IL1RAPL2: variants seen among roughly 807,000 people sequenced by gnomAD.
IL1RAPL2 encodes interleukin 1 receptor accessory protein like 2.
In IL1RAPL2, 3 loss-of-function variants were observed where a neutral mutation model predicts 44.1. The observed-to-expected ratio is 0.07, with a 90% confidence interval of 0.03 to 0.18. The LOEUF is 0.18. Ranked by LOEUF, IL1RAPL2 falls within the 10% of genes least tolerant of loss-of-function variation. The pLI, the probability that IL1RAPL2 is intolerant of heterozygous loss-of-function variation, is 1.00. For synonymous variants in IL1RAPL2, 181 were observed against 178.8 expected (o/e 1.01, Z -0.10); for missense variants, 391 against 496.4 (o/e 0.79, Z 2.02).
Position 105,034,918 on chromosome X carries a change from T to C in IL1RAPL2, c.83-160557T>C, listed in dbSNP as rs749329436. 3.8e-5 allele frequency among the ~76,000 whole-genome samples: 3 copies of C among 79,546 alleles called. No homozygotes were observed. The South Asian group carries it at 2.4e-3, about 64-fold the overall frequency. The allele number at this position is 79,546 out of a possible 115,157, so 69.1% of individuals were successfully genotyped here. Reference sequence around the variant, plus strand: ...GTTCGAGCTTCCCAGCTGCTTTGTTTACCTAATCAAGCCTGGGCAATGCGG... The same window carrying C: ...GTTCGAGCTTCCCAGCTGCTTTGTTCACCTAATCAAGCCTGGGCAATGCGG... On this transcript the variant is annotated intron_variant, in intron 2 of 10. Transcript: ENST00000372582.
At chrX:104,715,691 AAT>A (rs1491109921) in intron 2 of IL1RAPL2, among the ~76,000 whole-genome samples, 2 of 108,075 alleles carry the variant, frequency 1.9e-5, no homozygotes, top group Admixed American at 1.0e-4. Flanking sequence ...AAAAAAAAAA[AAT>A]AATAAAATAA....
At chrX:105,158,432 T>C (rs983718065) in intron 2 of IL1RAPL2, among the ~76,000 whole-genome samples, 5 of 112,449 alleles carry the variant, frequency 4.4e-5, no homozygotes, top group Non-Finnish European at 1.9e-5. Flanking sequence ...AACTGAACTT[T>C]TGATTCTTAC....
At chrX:104,902,728 G>A (rs1165409717) in intron 2 of IL1RAPL2, among the ~76,000 whole-genome samples, 1 of 111,533 alleles carries the variant, frequency 9.0e-6, no homozygotes, top group Non-Finnish European at 1.9e-5. Flanking sequence ...AGTGTTATAG[G>A]TAACAGTTCC....
chrX:104,602,085 G>A (rs1928894647), intron 1 of IL1RAPL2, among the ~76,000 whole-genome samples: 2 of 111,931 alleles, frequency 1.8e-5, no homozygotes, highest in Non-Finnish European at 3.8e-5. Flanking sequence ...AGCTCCCAGT[G>A]AGATTGACAC....
chrX:105,450,232 C>T (rs904888271), intron 5 of IL1RAPL2, among the ~76,000 whole-genome samples: 1 of 111,500 alleles, frequency 9.0e-6, no homozygotes, highest in Non-Finnish European at 1.9e-5. Flanking sequence ...TCACTGCACT[C>T]GCCCTCTGGG....
chrX:105,471,524 T>G (rs187192355), intron 5 of IL1RAPL2, among the ~76,000 whole-genome samples: 2 of 111,156 alleles, frequency 1.8e-5, no homozygotes, highest in East Asian at 5.7e-4. Flanking sequence ...CAGGTGGGGA[T>G]GAGGAGCTTC....
At chrX:104,655,185 C>T (rs1041681428) in intron 1 of IL1RAPL2, among the ~76,000 whole-genome samples, 1 of 111,473 alleles carries the variant, frequency 9.0e-6, no homozygotes, top group Admixed American at 9.6e-5. Context: ...TGCCTGATTG[C>T]CCTGGCCAGA....
At chrX:104,727,762 A>C (rs962992710) in intron 2 of IL1RAPL2, among the ~76,000 whole-genome samples, 1 of 111,309 alleles carries the variant, frequency 9.0e-6, no homozygotes, top group East Asian at 2.8e-4. Flanking sequence ...CATAAAAATA[A>C]ATCATTTTGC....
At chrX:104,593,784 C>T (rs1233523181) in intron 1 of IL1RAPL2, among the ~76,000 whole-genome samples, 2 of 111,936 alleles carry the variant, frequency 1.8e-5, no homozygotes. Flanking sequence ...ATGTGTTATT[C>T]CACCTGCGTG....
chrX:104,955,933 C>T (rs1925700120), intron 2 of IL1RAPL2, among the ~76,000 whole-genome samples: 1 of 111,935 alleles, frequency 8.9e-6, no homozygotes, highest in African/African-American at 3.2e-5. Flanking sequence ...GTGAAATCAA[C>T]AGTATTTGTT....
intron 1 of IL1RAPL2, among the ~76,000 whole-genome samples, chrX:104,630,561 G>C (rs1341640601): frequency 9.1e-6 from 1 of 110,087 alleles, no homozygotes; most frequent in Non-Finnish European, 1.9e-5. Flanking sequence ...GCCTCCCAAA[G>C]TACTGGGATT....
At chrX:105,139,490 C>T (rs1309271628) in intron 2 of IL1RAPL2, among the ~76,000 whole-genome samples, 1 of 111,435 alleles carries the variant, frequency 9.0e-6, no homozygotes, top group African/African-American at 3.3e-5. Context: ...AGCAAAGTAC[C>T]AGAGACTGAG....
At chrX:105,342,432 C>T (rs1020988409) in intron 5 of IL1RAPL2, among the ~76,000 whole-genome samples, 1 of 111,872 alleles carries the variant, frequency 8.9e-6, no homozygotes, top group African/African-American at 3.2e-5. Flanking sequence ...GATTTTTCCC[C>T]ATCATTAACT....
chrX:104,991,900 G>A (rs1970363728), intron 2 of IL1RAPL2, among the ~76,000 whole-genome samples: 1 of 111,628 alleles, frequency 9.0e-6, no homozygotes, highest in Non-Finnish European at 1.9e-5. Flanking sequence ...GGTCATATGT[G>A]AGCAAAACCG....
chrX:104,579,730 A>T lies in IL1RAPL2; in HGVS notation c.-20+12679A>T, dbSNP rs181918061. ...TAGTTTACCTATATAACAAACATGC[A>T]CATGTATCCCTGAAGCTAAAATAAA... On this transcript the variant is annotated intron_variant, in intron 1 of 10. Coordinates refer to ENST00000372582, the MANE Select transcript of IL1RAPL2 (RefSeq NM_017416.2). Among the ~76,000 whole-genome samples the T allele has an allele frequency of 2.7e-5, 3 of 111,541 alleles. No homozygotes were observed. The Admixed American group carries it at 2.9e-4, about 11-fold the overall frequency.
chrX:105,712,343 C>T (rs185102202), intron 6 of IL1RAPL2, among the ~76,000 whole-genome samples: 126 of 111,597 alleles, frequency 1.1e-3, no homozygotes, highest in African/African-American at 3.8e-3. Flanking sequence ...AGGGGTGCTA[C>T]GCTGGGATTC....
At chrX:105,458,432 A>G (rs1439777842) in intron 5 of IL1RAPL2, among the ~76,000 whole-genome samples, 2 of 112,068 alleles carry the variant, frequency 1.8e-5, no homozygotes, top group Non-Finnish European at 3.8e-5. Context: ...AAGCAAATTC[A>G]TAGATAAACC....
intron 2 of IL1RAPL2, among the ~76,000 whole-genome samples, chrX:104,702,979 A>G (rs903002983): frequency 9.0e-6 from 1 of 111,502 alleles, no homozygotes; most frequent in Non-Finnish European, 1.9e-5. Flanking sequence ...AATGAAATTC[A>G]TAGGTATTTA....
intron 2 of IL1RAPL2, among the ~76,000 whole-genome samples, chrX:104,908,242 C>T (rs963040717): frequency 1.8e-5 from 2 of 111,852 alleles, no homozygotes; most frequent in Admixed American, 1.9e-4. Flanking sequence ...ACTGATAGAT[C>T]TTGACTCTTT....
Sources: gnomAD v4.1 joint callset for allele counts (sites outside exome capture counted in the v4.1 genomes callset) on GRCh38, gnomAD v4.1.1 for gene constraint, MANE v1.5 for transcripts, NCBI Gene and HGNC (gene_info 2026-07-23, HGNC 2026-07-21) for gene names.